SLC12A2: variants seen among roughly 807,000 people sequenced by gnomAD.
The protein encoded by SLC12A2 is solute carrier family 12 member 2, also known as Na-K-2Cl cotransporter 1.
In SLC12A2, 67 loss-of-function variants were observed where a neutral mutation model predicts 136.3. The observed-to-expected ratio is 0.49, with a 90% CI of 0.40 to 0.60. SLC12A2 has a LOEUF of 0.60. SLC12A2 is among the 20% of genes least tolerant of loss of function. SLC12A2 has a pLI of 0.00. For synonymous variants in SLC12A2, 619 were observed against 562.9 expected (o/e 1.10, Z -1.41); for missense variants, 1,322 against 1,534.7 (o/e 0.86, Z 2.32).
intron 12 of SLC12A2, among the ~76,000 whole-genome samples, chr5:128,149,606 A>G (rs1388768078): frequency 6.6e-6 from 1 of 151,924 alleles, no homozygotes; most frequent in Non-Finnish European, 1.5e-5. Context: ...ATTTATCAAT[A>G]TGGATGAATT....
At chr5:128,141,617 T>G (rs1192020544) in intron 9 of SLC12A2, among the ~76,000 whole-genome samples, 1 of 152,202 alleles carries the variant, frequency 6.6e-6, no homozygotes, top group African/African-American at 2.4e-5. Flanking sequence ...CTATTCTTTA[T>G]AAAAGGTTCA....
Position 128,151,400 on chromosome 5 carries a change from A to G in SLC12A2, c.2263+4A>G. The G allele has an allele frequency of 1.9e-6, 3 of 1,605,718 alleles. No individual in the cohort carries two copies. Among genetic ancestry groups the G allele is most frequent in the Non-Finnish European group, 2.5e-6 (3 of 1,177,778 alleles). On this transcript the variant is annotated splice_donor_region_variant and intron_variant, in intron 14 of 26. Transcript: ENST00000262461. ...TATGTTACCTACAAAAAACCAGGTC[A>G]GTAGCCTTTTTTGTTTATATCCCAA...
chr5:128,180,233 G>C (rs941922243), intron 22 of SLC12A2, among the ~76,000 whole-genome samples: 1 of 151,942 alleles, frequency 6.6e-6, no homozygotes, highest in South Asian at 2.1e-4. Flanking sequence ...GCCTCCCAAA[G>C]TGCTGGGATT....
rs1267841609 is a variant in SLC12A2, at chr5:128,188,779, TG to T, written c.*2149del. On this transcript the variant is annotated 3_prime_UTR_variant, in exon 27 of 27. Transcript: ENST00000262461. The stretch of plus-strand genomic sequence containing the variant: ...ATTTCTACATTATAACTCACAGCAT[TG>T]TTCCATTGCAGGTTTTGCAATGTTT... 6.6e-6 allele frequency: 1 copy of T among 152,354 alleles called. No individual in the cohort carries two copies. The highest frequency in any genetic ancestry group is 1.5e-5 in the Non-Finnish European group (1 of 67,994). 9.4% of individuals were successfully genotyped at this position (152,354 alleles called of 1,614,324 possible).
chr5:128,130,970 C>A, intron 4 of SLC12A2, 97 bp from the exon 5 acceptor site: 2 of 1,094,530 alleles, frequency 1.8e-6, no homozygotes, highest in South Asian at 1.4e-5. Context: ...TTATTGGGGG[C>A]ATCTGCTTTG....
intron 4 of SLC12A2, among the ~76,000 whole-genome samples, chr5:128,122,958 T>C (rs914588542): frequency 1.3e-5 from 2 of 152,136 alleles, no homozygotes; most frequent in African/African-American, 4.8e-5. Flanking sequence ...AAATTTAACA[T>C]AACTTTATGT....
At chr5:128,146,099 ATATTTTACCC>A (rs990232584) in intron 10 of SLC12A2, among the ~76,000 whole-genome samples, 3 of 151,880 alleles carry the variant, frequency 2.0e-5, no homozygotes, top group African/African-American at 4.8e-5. Flanking sequence ...TTACTAGTTT[ATATTTTACCC>A]TATTTGCTTT....
chr5:128,177,046 A>G lies in SLC12A2; in HGVS notation c.2930-59A>G. The G allele has an allele frequency of 2.9e-6, 3 of 1,047,524 alleles. No individual in the cohort carries two copies. In the Admixed American group the frequency reaches 8.0e-5, roughly 28 times the overall value. 64.9% of individuals were successfully genotyped at this position (1,047,524 alleles called of 1,614,324 possible). A position where few individuals can be genotyped will look rare whatever the true frequency, so the allele number is the denominator to read the frequency against. On this transcript the variant is annotated intron_variant, in intron 20 of 26. Transcript: ENST00000262461. Reference sequence around the variant, plus strand: ...ATAAATGTGCTCTGATTACATTTTTATTATTTTATTAATATAAAGGCAATT... The same window carrying G: ...ATAAATGTGCTCTGATTACATTTTTGTTATTTTATTAATATAAAGGCAATT...
intron 1 of SLC12A2, among the ~76,000 whole-genome samples, chr5:128,088,007 C>CTGTGTGTGTCTGTGTG (rs138877655): frequency 7.1e-6 from 1 of 140,292 alleles, no homozygotes; most frequent in Non-Finnish European, 1.5e-5. Flanking sequence ...GGAGGAGGCT[C>CTGTGTGTGTCTGTGTG]TGTGTGTGTG....
At chr5:128,110,662 C>G (rs970527154) in intron 1 of SLC12A2, 1 of 1,249,616 alleles carries the variant, frequency 8.0e-7, no homozygotes, top group African/African-American at 1.5e-5. Flanking sequence ...GCCAAGACTC[C>G]GTCTACTATG....
chr5:128,110,901 G>A (rs893040275), intron 1 of SLC12A2: 102 of 1,058,672 alleles, frequency 9.6e-5, no homozygotes, highest in South Asian at 4.0e-4. Flanking sequence ...TGAGTGGGCC[G>A]CAAATCTGAG....
At chr5:128,134,326 G>A in intron 6 of SLC12A2, 51 bp downstream of exon 6, 1 of 980,554 alleles carries the variant, frequency 1.0e-6, no homozygotes, top group Non-Finnish European at 1.6e-6. Flanking sequence ...AACTTTTAGA[G>A]CTTATGTTTT....
In SLC12A2 at chr5:128,171,763, A is replaced by ATC; in HGVS notation, c.2803+18_2803+19insCT. On this transcript the variant is annotated intron_variant, in intron 19 of 26. Transcript: ENST00000262461. ...AAGGACAAGGTAAATTTTGTTGGCA[A>ATC]TAAGTTTTTTATTTACAAAAATATA... is the stretch of plus-strand genomic sequence containing the variant. 1 of 1,484,218 alleles carries ATC rather than the reference A, an allele frequency of 6.7e-7. No homozygotes were observed. The highest frequency in any genetic ancestry group is 9.1e-7 in the Non-Finnish European group (1 of 1,093,252). The allele number at this position is 1,484,218 out of a possible 1,614,324, so 91.9% of individuals were successfully genotyped here.
intron 14 of SLC12A2, 109 bp downstream of exon 14, chr5:128,151,505 T>C: frequency 9.6e-7 from 1 of 1,042,028 alleles, no homozygotes; most frequent in Non-Finnish European, 1.4e-6. Context: ...TTTGTATATT[T>C]GAAAGCTACT....
intron 15 of SLC12A2, among the ~76,000 whole-genome samples, chr5:128,155,578 A>G (rs1762848843): frequency 6.6e-6 from 1 of 152,228 alleles, no homozygotes; most frequent in Admixed American, 6.5e-5. Context: ...AACTGTATTC[A>G]TCACTGTCTT....
chr5:128,084,534 G>C lies in SLC12A2; in HGVS notation c.580G>C (p.Gly194Arg). ...SLHSGGGGGS[G>R]HHQHYYYDTH... ...GCACTCCGGCGGCGGCGGCGGCAGT[G>C]GGCACCACCAGCACTACTATTATGA... Residue 194 changes from glycine (G) to arginine (R), a missense_variant, in exon 1 of 27, where the codon GGG (glycine) becomes CGG (arginine). This residue lies in a region of SLC12A2 where 358 missense variants were observed against 299.7 expected (regional missense o/e 1.19). Coordinates refer to ENST00000262461, the MANE Select transcript of SLC12A2 (RefSeq NM_001046.3). This position sits in a 1 kb window ranked among gnomAD's most constrained non-coding sequence, Gnocchi z 5.6. 6.2e-7 allele frequency: 1 copy of C among 1,613,608 alleles called. No individual in the cohort carries two copies. Among genetic ancestry groups the C allele is most frequent in the Middle Eastern group, 1.6e-4 (1 of 6,062 alleles).
At position 128,084,222 on chromosome 5, in the gene SLC12A2, G is replaced by C; in HGVS notation, c.268G>C (p.Ala90Pro). Residue 90 changes from alanine (A) to proline (P), a missense_variant, in exon 1 of 27, where the codon GCC becomes CCC. Ala to Pro is a conservative substitution (Grantham distance 27). Around this residue, in one of 8 missense-constraint regions of SLC12A2, gnomAD observed 358 missense variants for 299.7 expected, o/e 1.19. Coordinates refer to ENST00000262461, the MANE Select transcript of SLC12A2 (RefSeq NM_001046.3). The surrounding 1 kb of genome is among the most constrained non-coding windows in gnomAD (Gnocchi z 5.6). The part of the protein sequence containing the change: ...RFQVDLVSEN[A>P]GRAAAAAAAA... Reference sequence around the variant, plus strand: ...CCAGGTGGACCTGGTTTCCGAGAACGCCGGGCGGGCCGCTGCTGCGGCGGC... The same window carrying C: ...CCAGGTGGACCTGGTTTCCGAGAACCCCGGGCGGGCCGCTGCTGCGGCGGC... 2.4e-6 allele frequency: 3 copies of C among 1,275,586 alleles called. No individual in the cohort carries two copies. Among genetic ancestry groups the C allele is most frequent in the Non-Finnish European group, 2.0e-6 (2 of 1,020,544 alleles). 79.0% of individuals were successfully genotyped at this position (1,275,586 alleles called of 1,614,324 possible). A position where few individuals can be genotyped will look rare whatever the true frequency, so the allele number is the denominator to read the frequency against.
intron 17 of SLC12A2, among the ~76,000 whole-genome samples, chr5:128,165,527 A>C (rs1763174490): frequency 6.6e-6 from 1 of 152,208 alleles, no homozygotes; most frequent in Non-Finnish European, 1.5e-5. Context: ...TTAGTAAAGA[A>C]GTATGTTCCA....
intron 18 of SLC12A2, chr5:128,168,387 G>A (rs1763269914): frequency 6.6e-6 from 1 of 152,130 alleles, no homozygotes; most frequent in Non-Finnish European, 1.5e-5. Flanking sequence ...CCACTATGAA[G>A]AGTTAAGTTT....
Sources: gnomAD v4.1 joint callset for allele counts (sites outside exome capture counted in the v4.1 genomes callset) on GRCh38, gnomAD v4.1.1 for gene constraint, gnomAD v4.1.1 regional missense constraint, Gnocchi (gnomAD v3.1) non-coding constraint, MANE v1.5 for transcripts, NCBI Gene and HGNC (gene_info 2026-07-23, HGNC 2026-07-21) for gene names.